The following ZFPM2 variants were observed in gnomAD, a reference collection of about 807,000 sequenced individuals.
ZFPM2 encodes zinc finger protein, FOG family member 2, also known as zinc finger protein ZFPM2.
Under a neutral mutation model 98.6 loss-of-function variants are expected in ZFPM2, and 20 were observed. That is an observed-to-expected ratio of 0.20 (90% CI 0.14 to 0.29). The LOEUF is 0.29. Among genes scored for constraint, ZFPM2 ranks in the 10% least tolerant of loss-of-function variants. The pLI is 1.00. For synonymous variants in ZFPM2, 518 were observed against 502.7 expected, an observed-to-expected ratio of 1.03 and a Z score of -0.41; for missense variants, 1,310 against 1,388.6, an observed-to-expected ratio of 0.94 and a Z score of 0.90.
intron 3 of ZFPM2, among the ~76,000 whole-genome samples, chr8:105,488,034 G>A (rs1000255678): frequency 2.6e-5 from 4 of 151,400 alleles, no homozygotes; most frequent in Admixed American, 6.6e-5. Flanking sequence ...ATGTACCTCT[G>A]CCCCAACATA....
intron 3 of ZFPM2, among the ~76,000 whole-genome samples, chr8:105,555,897 CTG>C (rs1338124512): frequency 6.6e-6 from 1 of 152,018 alleles, no homozygotes; most frequent in Non-Finnish European, 1.5e-5. Flanking sequence ...GGGAGCTAAA[CTG>C]GAGATGAGGA....
intron 1 of ZFPM2, among the ~76,000 whole-genome samples, chr8:105,391,285 A>G (rs1811102922): frequency 6.6e-6 from 1 of 152,216 alleles, no homozygotes; most frequent in African/African-American, 2.4e-5. Flanking sequence ...TAGTGCATAT[A>G]CCTTAATGTA....
chr8:105,336,473 A>T (rs908882509), intron 1 of ZFPM2, among the ~76,000 whole-genome samples: 2 of 151,758 alleles, frequency 1.3e-5, no homozygotes, highest in African/African-American at 2.4e-5. Context: ...TTAATTGACA[A>T]ATATTTAAAT....
intron 3 of ZFPM2, among the ~76,000 whole-genome samples, chr8:105,501,674 T>A (rs1196387716): frequency 6.7e-6 from 1 of 149,304 alleles, no homozygotes; most frequent in Non-Finnish European, 1.5e-5. Flanking sequence ...TGGCTAATTT[T>A]TGCAGTTTCA....
intron 3 of ZFPM2, among the ~76,000 whole-genome samples, chr8:105,472,187 A>G (rs778166823): frequency 7.2e-5 from 11 of 152,204 alleles, no homozygotes; most frequent in Non-Finnish European, 1.5e-4. Context: ...AAAGAATCAA[A>G]CTAATAATTA....
chr8:105,456,062 C>A (rs1349433072), intron 3 of ZFPM2, among the ~76,000 whole-genome samples: 1 of 150,720 alleles, frequency 6.6e-6, no homozygotes, highest in African/African-American at 2.4e-5. Context: ...AATTCCCTAT[C>A]TTTAGGGGAA....
intron 3 of ZFPM2, among the ~76,000 whole-genome samples, chr8:105,545,657 A>T (rs1235771392): frequency 6.6e-6 from 1 of 152,196 alleles, no homozygotes; most frequent in Admixed American, 6.5e-5. Context: ...TGTGAAAGTG[A>T]GACCACATAG....
At chr8:105,764,457 T>C (rs1812813517) in intron 5 of ZFPM2, among the ~76,000 whole-genome samples, 1 of 151,854 alleles carries the variant, frequency 6.6e-6, no homozygotes, top group Non-Finnish European at 1.5e-5. Context: ...TATTTTCTAT[T>C]ATCCTTATTA....
chr8:105,409,041 T>A (rs1811523660), intron 1 of ZFPM2, among the ~76,000 whole-genome samples: 2 of 151,788 alleles, frequency 1.3e-5, no homozygotes, highest in Non-Finnish European at 1.5e-5. Context: ...CAGTGGAACA[T>A]GTGTGTGATC....
intron 1 of ZFPM2, among the ~76,000 whole-genome samples, chr8:105,375,050 G>A (rs1403024814): frequency 1.3e-5 from 2 of 152,052 alleles, no homozygotes; most frequent in Admixed American, 1.3e-4. Flanking sequence ...ATCTTTGTTT[G>A]TATTTGGGGG....
At chr8:105,679,776 A>G (rs1304773346) in intron 5 of ZFPM2, among the ~76,000 whole-genome samples, 1 of 150,334 alleles carries the variant, frequency 6.7e-6, no homozygotes, top group Admixed American at 6.6e-5. Flanking sequence ...CAGCCTGGGC[A>G]ACAGAGCAAG....
chr8:105,437,045 C>T (rs985767157), intron 2 of ZFPM2, among the ~76,000 whole-genome samples: 2 of 152,144 alleles, frequency 1.3e-5, no homozygotes, highest in Admixed American at 6.5e-5. Context: ...TTTTAGTCAT[C>T]TTTCTTTTTT....
chr8:105,676,525 T>C (rs10505079), intron 5 of ZFPM2, among the ~76,000 whole-genome samples: 27,277 of 152,090 alleles, frequency 0.18, 2,424 homozygotes, highest in Middle Eastern at 0.26. Flanking sequence ...AGTATTTGAC[T>C]GTTTCAGCGT....
chr8:105,401,723 T>G (rs1382133860), intron 1 of ZFPM2, among the ~76,000 whole-genome samples: 1 of 152,138 alleles, frequency 6.6e-6, no homozygotes, highest in African/African-American at 2.4e-5. Context: ...ACCATATCAC[T>G]TACACTTTTT....
chr8:105,358,420 T>G (rs1008555965), intron 1 of ZFPM2: 1 of 152,186 alleles, frequency 6.6e-6, no homozygotes, highest in African/African-American at 2.4e-5. Flanking sequence ...AGAGCTGAAT[T>G]GTGATGCAGT....
rs143176288 is a variant in ZFPM2, at chr8:105,758,936, A to G, written c.533-29782A>G. ...TCCTGGCCTGTGTTAACAAGCATCT[A>G]TTTAGATCATGACACTCCCTTCCAA... is the stretch of plus-strand genomic sequence containing the variant. On this transcript the variant is annotated intron_variant, in intron 5 of 7. Transcript: ENST00000407775. Among the ~76,000 whole-genome samples the G allele has an allele frequency of 1.5e-3, 234 of 152,206 alleles. 1 individual carries two copies. The highest frequency in any genetic ancestry group is 2.9e-3 in the Non-Finnish European group (200 of 68,000).
chr8:105,371,821 C>T (rs1482689650), intron 1 of ZFPM2, among the ~76,000 whole-genome samples: 3 of 151,896 alleles, frequency 2.0e-5, no homozygotes, highest in East Asian at 1.9e-4. Flanking sequence ...AAAATTTAAT[C>T]TGTACTGTGT....
chr8:105,458,952 T>C (rs1290569170), intron 3 of ZFPM2, among the ~76,000 whole-genome samples: 3 of 152,164 alleles, frequency 2.0e-5, no homozygotes, highest in African/African-American at 4.8e-5. Flanking sequence ...AGTTTCTTAA[T>C]AGGGTGATAA....
intron 1 of ZFPM2, among the ~76,000 whole-genome samples, chr8:105,329,530 T>A (rs13264620): frequency 0.11 from 16,490 of 151,876 alleles, 1,158 homozygotes; most frequent in Non-Finnish European, 0.15. Context: ...ATATAATGAC[T>A]TTTTGCATAT....
Sources: gnomAD v4.1 joint callset for allele counts (sites outside exome capture counted in the v4.1 genomes callset) on GRCh38, gnomAD v4.1.1 for gene constraint, MANE v1.5 for transcripts, NCBI Gene and HGNC (gene_info 2026-07-23, HGNC 2026-07-21) for gene names.